Variants in PTPRM observed in about 807,000 individuals in gnomAD.
PTPRM encodes receptor-type tyrosine-protein phosphatase mu.
A neutral mutation model predicts 186.7 loss-of-function variants in PTPRM; 47 were observed. The ratio of observed to expected loss-of-function variants is 0.25; its 90% confidence interval spans 0.20 to 0.32. The LOEUF is 0.32. Ranked by LOEUF, PTPRM falls within the 10% of genes least tolerant of loss-of-function variation. The pLI is 1.00. For synonymous variants in PTPRM, 668 were observed against 674.9 expected, an observed-to-expected ratio of 0.99 and a Z score of 0.16; for missense variants, 1,494 against 1,865.0, an observed-to-expected ratio of 0.80 and a Z score of 3.66.
chr18:7,818,600 C>T (rs1568174290), intron 2 of PTPRM, among the ~76,000 whole-genome samples: 1 of 152,196 alleles, frequency 6.6e-6, no homozygotes, highest in Non-Finnish European at 1.5e-5. Flanking sequence ...AGTATTTAAT[C>T]CTCTCTTTCT....
chr18:8,065,154 G>A (rs1207700554), intron 7 of PTPRM, among the ~76,000 whole-genome samples: 4 of 152,132 alleles, frequency 2.6e-5, no homozygotes, highest in Non-Finnish European at 5.9e-5. Context: ...TTCTGAAAAA[G>A]CACTGTAGTA....
chr18:7,717,485 A>G (rs563648324), intron 1 of PTPRM, among the ~76,000 whole-genome samples: 9 of 152,284 alleles, frequency 5.9e-5, no homozygotes, highest in African/African-American at 1.9e-4. Flanking sequence ...CACAGTTACC[A>G]TGCTTCAGTT....
chr18:7,714,401 C>G (rs1036074528), intron 1 of PTPRM, among the ~76,000 whole-genome samples: 5 of 152,108 alleles, frequency 3.3e-5, no homozygotes, highest in Non-Finnish European at 5.9e-5. Context: ...ACTAAATGCC[C>G]ACAAGAGAAA....
chr18:7,963,504 G>A (rs981582022), intron 7 of PTPRM, among the ~76,000 whole-genome samples: 1 of 152,208 alleles, frequency 6.6e-6, no homozygotes, highest in African/African-American at 2.4e-5. Flanking sequence ...TGTCAGGCAG[G>A]CCCTTTGGCT....
At position 7,668,005 on chromosome 18, in the gene PTPRM, A is replaced by G. The variant is rs548500090; in HGVS notation, c.73+100114A>G. Among the ~76,000 whole-genome samples the G allele has an allele frequency of 1.2e-4, 19 of 152,158 alleles. No individual in the cohort carries two copies. The highest frequency in any genetic ancestry group is 4.6e-4 in the African/African-American group (19 of 41,516). ...GAGGTAATCGAAGGGCAGTCCACCT[A>G]CGTGCCACAAGTTCTGAGTAAATGT... On this transcript the variant is annotated intron_variant, in intron 1 of 32. Transcript: ENST00000580170. The surrounding 1 kb of genome is among the most constrained non-coding windows in gnomAD (Gnocchi z 4.7).
At chr18:7,936,432 A>C (rs2051814724) in intron 5 of PTPRM, among the ~76,000 whole-genome samples, 1 of 152,230 alleles carries the variant, frequency 6.6e-6, no homozygotes, top group Non-Finnish European at 1.5e-5. Context: ...AGTTGAGGCT[A>C]AACCCAGGTG....
chr18:8,314,075 T>C (rs565710191), intron 20 of PTPRM, among the ~76,000 whole-genome samples: 90 of 152,348 alleles, frequency 5.9e-4, no homozygotes, highest in Non-Finnish European at 1.0e-3. Flanking sequence ...TAATTTTTTT[T>C]ACCCTGGAAA....
intron 1 of PTPRM, among the ~76,000 whole-genome samples, chr18:7,739,118 A>G (rs1181673498): frequency 6.7e-6 from 1 of 148,320 alleles, no homozygotes; most frequent in Non-Finnish European, 1.5e-5. Context: ...ACAGAATAAG[A>G]GAAGATGGCA....
At chr18:7,735,465 T>C (rs1003543372) in intron 1 of PTPRM, among the ~76,000 whole-genome samples, 2 of 152,078 alleles carry the variant, frequency 1.3e-5, no homozygotes, top group Non-Finnish European at 2.9e-5. Flanking sequence ...ACAGAGATCT[T>C]AAGACTGATA....
chr18:7,995,940 T>C (rs554291578), intron 7 of PTPRM, among the ~76,000 whole-genome samples: 29 of 152,296 alleles, frequency 1.9e-4, no homozygotes, highest in South Asian at 4.1e-4. Flanking sequence ...TGGGGTGGGC[T>C]GCTTGGTCTG....
At chr18:8,303,362 G>T (rs2095182339) in intron 20 of PTPRM, among the ~76,000 whole-genome samples, 1 of 152,150 alleles carries the variant, frequency 6.6e-6, no homozygotes, top group African/African-American at 2.4e-5. Flanking sequence ...ACCTACCCCA[G>T]ATTCTTCTAG....
At chr18:7,699,118 G>A (rs2039905191) in intron 1 of PTPRM, among the ~76,000 whole-genome samples, 1 of 152,102 alleles carries the variant, frequency 6.6e-6, no homozygotes, top group Non-Finnish European at 1.5e-5. Context: ...TTTGTGAACT[G>A]CGCATATGAG....
rs1269184031 is a variant in PTPRM at position 8,240,545 on chromosome 18, GGAAGGAAA to G, written c.2301-3501_2301-3494del. ...AGGAAGGAAGGAAGGAAGGAAGGAA[GGAAGGAAA>G]GAAGGAAAGAAAGAAAGAAATTGAA... On this transcript the variant is annotated intron_variant, in intron 14 of 32. Coordinates refer to ENST00000580170, the MANE Select transcript of PTPRM (RefSeq NM_001105244.2). 8.0e-3 allele frequency among the ~76,000 whole-genome samples: 902 copies of G among 112,596 alleles called. 14 individuals are homozygous for G. The highest frequency in any genetic ancestry group is 0.012 in the Non-Finnish European group (681 of 55,630). 73.9% of individuals were successfully genotyped at this position (112,596 alleles called of 152,430 possible).
chr18:8,080,333 C>T (rs1185400499), intron 9 of PTPRM, among the ~76,000 whole-genome samples: 1 of 152,166 alleles, frequency 6.6e-6, no homozygotes, highest in Non-Finnish European at 1.5e-5. Context: ...AAATACCAGA[C>T]TCCTGGTCAT....
chr18:8,085,788 A>T lies in PTPRM; in HGVS notation c.1669A>T (p.Thr557Ser), dbSNP rs1366583378. ...TCTGTTTTTTGGACTGTATCCGGGGACCACATACTCCTTTACCATCCGAGC... is the reference window on the plus strand; with the variant it reads ...TCTGTTTTTTGGACTGTATCCGGGGTCCACATACTCCTTTACCATCCGAGC... ...HFLFFGLYPGTTYSFTIRAST... is the reference protein window; with the variant it reads ...HFLFFGLYPGSTYSFTIRAST... The change falls in exon 10 of 33, where the codon ACC becomes TCC. Residue 557 changes from threonine to serine, a missense_variant. Coordinates refer to ENST00000580170, the MANE Select transcript of PTPRM (RefSeq NM_001105244.2). The T allele has an allele frequency of 2.5e-6, 4 of 1,613,404 alleles. No homozygotes were observed. The highest frequency in any genetic ancestry group is 2.2e-5 in the East Asian group (1 of 44,874).
At chr18:7,699,363 A>C (rs1220112135) in intron 1 of PTPRM, among the ~76,000 whole-genome samples, 1 of 151,978 alleles carries the variant, frequency 6.6e-6, no homozygotes, top group African/African-American at 2.4e-5. Context: ...TTGCATTTTC[A>C]CTCTGTTAAT....
At chr18:8,400,760 A>G (rs1247418006) in intron 32 of PTPRM, among the ~76,000 whole-genome samples, 1 of 152,216 alleles carries the variant, frequency 6.6e-6, no homozygotes, top group African/African-American at 2.4e-5. Context: ...ACTCACATAC[A>G]AAATGCAATG....
intron 19 of PTPRM, among the ~76,000 whole-genome samples, chr18:8,293,056 C>G (rs1445278546): frequency 1.3e-5 from 2 of 152,150 alleles, no homozygotes. Context: ...CTCATGTCCT[C>G]TCCTCCAGTG....
chr18:8,254,598 ATTAGAG>A (rs1315401159), intron 19 of PTPRM, among the ~76,000 whole-genome samples: 1 of 152,228 alleles, frequency 6.6e-6, no homozygotes, highest in Admixed American at 6.5e-5. Flanking sequence ...CTTGTCTGGA[ATTAGAG>A]TGTTTTTGAA....
Sources: gnomAD v4.1 joint callset for allele counts (sites outside exome capture counted in the v4.1 genomes callset) on GRCh38, gnomAD v4.1.1 for gene constraint, Gnocchi (gnomAD v3.1) non-coding constraint, MANE v1.5 for transcripts, NCBI Gene and HGNC (gene_info 2026-07-23, HGNC 2026-07-21) for gene names.